DDX55: variants seen among roughly 807,000 people sequenced by gnomAD.
The protein encoded by DDX55 is DEAD-box helicase 55, also known as ATP-dependent RNA helicase DDX55.
A neutral mutation model predicts 69.2 loss-of-function variants in DDX55; 56 were observed. That is an observed-to-expected ratio of 0.81 (90% CI 0.65 to 1.01). The LOEUF (loss-of-function observed/expected upper bound fraction) is 1.01. DDX55 is among the 50% of genes least tolerant of loss of function. The pLI, the probability that DDX55 is intolerant of heterozygous loss-of-function variation, is 0.00. For synonymous variants in DDX55, 268 were observed against 273.1 expected (o/e 0.98, Z 0.18); for missense variants, 720 against 745.1 (o/e 0.97, Z 0.39).
chr12:123,616,418 C>T, intron 9 of DDX55, 93 bp from the exon 10 acceptor site: 2 of 1,116,022 alleles, frequency 1.8e-6, no homozygotes, highest in South Asian at 1.3e-5. Flanking sequence ...AGCTCCAGCA[C>T]CTGTGTGTCA....
Position 123,607,542 on chromosome 12 carries a change from C to A in DDX55, c.338+19C>A. 5 of 1,614,164 alleles carry A rather than the reference C, an allele frequency of 3.1e-6. No individual in the cohort carries two copies. The highest frequency in any genetic ancestry group is 4.2e-6 in the Non-Finnish European group (5 of 1,180,034). Reference sequence around the variant, plus strand: ...AGTTCAGGTGAATTGGATGCAGTGTCCCTGTTAGTCATGGGCTGTTTTGTC... The same window carrying A: ...AGTTCAGGTGAATTGGATGCAGTGTACCTGTTAGTCATGGGCTGTTTTGTC... On this transcript the variant is annotated intron_variant, in intron 4 of 13. Coordinates refer to ENST00000238146, the MANE Select transcript of DDX55 (RefSeq NM_020936.3).
intron 12 of DDX55, 108 bp downstream of exon 12, chr12:123,618,945 T>C (rs1267870730): frequency 2.7e-6 from 4 of 1,489,408 alleles, no homozygotes; most frequent in Non-Finnish European, 2.7e-6. Flanking sequence ...AGGTTTTGAG[T>C]AGACACAGAA....
rs1295370542 is a variant in DDX55, at chr12:123,613,327, TTGGATTCCATCTAGCA to T, written c.824+79_824+94del. The T allele has an allele frequency of 7.6e-5, 109 of 1,437,596 alleles. 1 individual carries two copies. The highest frequency in any genetic ancestry group is 1.0e-4 in the Non-Finnish European group (107 of 1,031,062). 89.1% of individuals were successfully genotyped at this position (1,437,596 alleles called of 1,614,324 possible). A position where few individuals can be genotyped will look rare whatever the true frequency, so the allele number is the denominator to read the frequency against. On this transcript the variant is annotated intron_variant, in intron 8 of 13. Transcript: ENST00000238146. ...TGCAGGTGCATGCGGCCTTTGGGTT[TTGGATTCCATCTAGCA>T]TGGTTCTCTCCGGAATGCTTTTGGC... is the stretch of plus-strand genomic sequence containing the variant.
rs184470082 is a variant in DDX55, at chr12:123,620,831, G to A, written c.*691G>A. 1 of 151,720 alleles carries A rather than the reference G, an allele frequency of 6.6e-6. No homozygotes were observed. The highest frequency in any genetic ancestry group is 1.9e-4 in the East Asian group (1 of 5,132). 9.4% of individuals were successfully genotyped at this position (151,720 alleles called of 1,614,324 possible). ...GGGTTTTTCTGTGTTAATAGTCACA[G>A]TATTGTTTTATTGGTGAATAGCTGA... On this transcript the variant is annotated 3_prime_UTR_variant, in exon 14 of 14. Transcript: ENST00000238146.
chr12:123,611,597 A>T (rs1365595274), intron 7 of DDX55, among the ~76,000 whole-genome samples: 1 of 152,224 alleles, frequency 6.6e-6, no homozygotes, highest in African/African-American at 2.4e-5. Context: ...GAATGTTCCT[A>T]TTGCTGCAGA....
At chr12:123,618,602 G>A in intron 11 of DDX55, 67 bp from the exon 12 acceptor site, 1 of 1,576,634 alleles carries the variant, frequency 6.3e-7, no homozygotes. Context: ...TCTTGGTTGT[G>A]ATGGGGAGCC....
chr12:123,616,241 G>C (rs1205485126), intron 9 of DDX55, among the ~76,000 whole-genome samples: 1 of 152,142 alleles, frequency 6.6e-6, no homozygotes, highest in East Asian at 1.9e-4. Context: ...GGCTACAAAG[G>C]ATTAGACCCA....
chr12:123,606,864 C>T (rs1364522383), intron 3 of DDX55, among the ~76,000 whole-genome samples: 4 of 152,160 alleles, frequency 2.6e-5, no homozygotes, highest in African/African-American at 9.7e-5. Context: ...GTGTGAGCTA[C>T]CGCGCCCGGC....
At chr12:123,604,112 T>C (rs891889397) in intron 1 of DDX55, among the ~76,000 whole-genome samples, 2 of 152,082 alleles carry the variant, frequency 1.3e-5, no homozygotes, top group Non-Finnish European at 1.5e-5. Flanking sequence ...AAGAGTCCTG[T>C]TTTTAAACAC....
At chr12:123,604,134 C>T (rs1010298809) in intron 1 of DDX55, among the ~76,000 whole-genome samples, 2 of 152,110 alleles carry the variant, frequency 1.3e-5, no homozygotes, top group African/African-American at 4.8e-5. Context: ...GAGCTGGGTA[C>T]AGTGGCACCC....
At chr12:123,615,531 C>G (rs1954592502) in intron 9 of DDX55, among the ~76,000 whole-genome samples, 2 of 152,214 alleles carry the variant, frequency 1.3e-5, no homozygotes, top group Admixed American at 6.5e-5. Flanking sequence ...TGTCATTTCC[C>G]TAGTTACTGA....
chr12:123,607,008 A>G (rs1382650763), intron 3 of DDX55, among the ~76,000 whole-genome samples: 1 of 152,256 alleles, frequency 6.6e-6, no homozygotes, highest in Non-Finnish European at 1.5e-5. Context: ...AGAGAAGCAC[A>G]AGCTAAGGCA....
rs749686673 is a variant in DDX55, at chr12:123,619,645, TA to T, written c.1553del (p.Asn518IlefsTer17). ...GAAAATGAAGGGAGAAGAAAATTCA[TA>T]AAAAATAAAGCTTGGTCAAAGCAGA... Reference protein sequence around the residue: ...KTENEGRRKFIKNKAWSKQKA... With the variant: ...KTENEGRRKFXKNKAWSKQKA... On this transcript the variant is annotated frameshift_variant, in exon 13 of 14. Coordinates refer to ENST00000238146, the MANE Select transcript of DDX55 (RefSeq NM_020936.3). LOFTEE classifies it high-confidence loss of function. 2.5e-6 allele frequency: 4 copies of T among 1,604,320 alleles called. No individual in the cohort carries two copies. The highest frequency in any genetic ancestry group is 1.7e-5 in the Admixed American group (1 of 59,084).
rs1457665373 is a variant in DDX55 at position 123,619,352 on chromosome 12, G to GA, written c.1334-73dup. On this transcript the variant is annotated intron_variant, in intron 12 of 13. Coordinates refer to ENST00000238146, the MANE Select transcript of DDX55 (RefSeq NM_020936.3). ...ATGAATGCATTAAACCCTTTGGTTA[G>GA]AAAAAAATTATATTGTAAGCCATTA... 1.3e-4 allele frequency: 199 copies of GA among 1,515,876 alleles called. No homozygotes were observed. In the African/African-American group the frequency reaches 2.0e-3, roughly 15 times the overall value. The allele number at this position is 1,515,876 out of a possible 1,614,324, so 93.9% of individuals were successfully genotyped here.
At chr12:123,614,234 C>CA (rs1384921506) in intron 8 of DDX55, among the ~76,000 whole-genome samples, 1 of 152,166 alleles carries the variant, frequency 6.6e-6, no homozygotes, top group African/African-American at 2.4e-5. Flanking sequence ...TTTCAGAACC[C>CA]ACCAGGTCTG....
At position 123,607,517 on chromosome 12, in the gene DDX55, AG is replaced by A. The variant is rs1953965532; in HGVS notation, c.333del (p.Glu111AspfsTer103). 53 of 1,614,098 alleles carry A rather than the reference AG, an allele frequency of 3.3e-5. No homozygotes were observed. Among genetic ancestry groups the A allele is most frequent in the Non-Finnish European group, 4.3e-5 (51 of 1,180,020 alleles). On this transcript the variant is annotated frameshift_variant, in exon 4 of 14. Coordinates refer to ENST00000238146, the MANE Select transcript of DDX55 (RefSeq NM_020936.3). LOFTEE classifies it high-confidence loss of function. The stretch of plus-strand genomic sequence containing the variant: ...TCGCATTTCACGAAGCACTTCCCCG[AG>A]TTCAGGTGAATTGGATGCAGTGTCC... ...VLSHFTKHFPEFSQILWIGGR... is the reference protein window; with the variant it reads ...VLSHFTKHFPXFSQILWIGGR...
Position 123,603,872 on chromosome 12 carries a change from G to A in DDX55, c.108+1616G>A, listed in dbSNP as rs913317961. 2.6e-5 allele frequency among the ~76,000 whole-genome samples: 4 copies of A among 152,006 alleles called. No individual in the cohort carries two copies. In the East Asian group the frequency reaches 7.7e-4, roughly 29 times the overall value. On this transcript the variant is annotated intron_variant, in intron 1 of 13. Coordinates refer to ENST00000238146, the MANE Select transcript of DDX55 (RefSeq NM_020936.3). ...GGTTGGAGTGCAATGACACGATCTC[G>A]GCTCACTGCAACTTCTGCCTCCCGG...
rs1176689673 is a variant in DDX55 at position 123,620,448 on chromosome 12, T to C, written c.*308T>C. On this transcript the variant is annotated 3_prime_UTR_variant, in exon 14 of 14. Coordinates refer to ENST00000238146, the MANE Select transcript of DDX55 (RefSeq NM_020936.3). ...AGCCTGGGAACACAGCGAGACCCTCTCATTAAAAACAACAAAACAAAACAA... is the reference window on the plus strand; with the variant it reads ...AGCCTGGGAACACAGCGAGACCCTCCCATTAAAAACAACAAAACAAAACAA... The C allele has an allele frequency of 2.6e-5, 5 of 195,388 alleles. No individual in the cohort carries two copies. 12.1% of individuals were successfully genotyped at this position (195,388 alleles called of 1,614,324 possible).
At position 123,615,302 on chromosome 12, in the gene DDX55, C is replaced by T; in HGVS notation, c.942C>T (p.Phe314=). Residue 314 remains phenylalanine (F), a synonymous_variant, in exon 9 of 14, where the codon TTC becomes TTT. Coordinates refer to ENST00000238146, the MANE Select transcript of DDX55 (RefSeq NM_020936.3). ...AACGCAATAAGATCTTCATGGAGTT[C>T]CGCAAATTGCAAAGGTGGGTGGGCT... is the stretch of plus-strand genomic sequence containing the variant. ...KYKRNKIFME[F]RKLQSGILVC... is the part of the protein sequence containing the mutation. 1 of 1,613,924 alleles carries T rather than the reference C, an allele frequency of 6.2e-7. No homozygotes were observed. Among genetic ancestry groups the T allele is most frequent in the Non-Finnish European group, 8.5e-7 (1 of 1,179,894 alleles).
Sources: gnomAD v4.1 joint callset for allele counts (sites outside exome capture counted in the v4.1 genomes callset) on GRCh38, gnomAD v4.1.1 for gene constraint, MANE v1.5 for transcripts, NCBI Gene and HGNC (gene_info 2026-07-23, HGNC 2026-07-21) for gene names.